Variants in DACH1 observed in about 807,000 individuals in gnomAD.
The protein encoded by DACH1 is dachshund homolog 1.
In DACH1, 12 loss-of-function variants were observed where a neutral mutation model predicts 54.2. The ratio of observed to expected loss-of-function variants is 0.22; its 90% CI spans 0.14 to 0.36. DACH1 has a LOEUF of 0.36. Among genes scored for constraint, DACH1 ranks in the 10% least tolerant of loss-of-function variants. The pLI is 1.00. For synonymous variants in DACH1, 386 were observed against 366.2 expected (o/e 1.05, Z -0.62); for missense variants, 805 against 929.8 (o/e 0.87, Z 1.75).
chr13:71,827,912 G>A (rs966181057), intron 1 of DACH1, among the ~76,000 whole-genome samples: 1 of 152,046 alleles, frequency 6.6e-6, no homozygotes, highest in African/African-American at 2.4e-5. Flanking sequence ...ACTGCATTGT[G>A]TAGTGGACAA....
chr13:71,523,932 T>G (rs550054325), intron 6 of DACH1, among the ~76,000 whole-genome samples: 5 of 152,144 alleles, frequency 3.3e-5, no homozygotes, highest in Non-Finnish European at 7.4e-5. Context: ...GTTACCACAG[T>G]GCATGTCAAA....
chr13:71,674,953 C>T, intron 2 of DACH1: 1 of 661,216 alleles, frequency 1.5e-6, no homozygotes, highest in Non-Finnish European at 2.7e-6. Context: ...CACATACAAA[C>T]GGTGTTCGCA....
chr13:71,681,782 G>A lies in DACH1; in HGVS notation c.964+13C>T. 5 of 1,593,440 alleles carry A rather than the reference G, an allele frequency of 3.1e-6. No individual in the cohort carries two copies. The highest frequency in any genetic ancestry group is 1.7e-5 in the Admixed American group (1 of 59,174). On this transcript the variant is annotated intron_variant, in intron 2 of 10. Transcript: ENST00000613252. ...TTTTAATATTTTTTGGCATAAGTGA[G>A]TAGCAGTCTTACCTGTTGGTGGAAT...
chr13:71,572,549 CA>C (rs1885277186), intron 4 of DACH1, among the ~76,000 whole-genome samples: 1 of 152,150 alleles, frequency 6.6e-6, no homozygotes, highest in East Asian at 1.9e-4. Context: ...CATAACACCA[CA>C]CACGCATACA....
chr13:71,456,092 G>A (rs2138127965), intron 10 of DACH1, among the ~76,000 whole-genome samples: 1 of 152,080 alleles, frequency 6.6e-6, no homozygotes, highest in East Asian at 1.9e-4. Context: ...AAGAATTTCA[G>A]GAAACATCTG....
chr13:71,828,757 T>A (rs566118345), intron 1 of DACH1, among the ~76,000 whole-genome samples: 1 of 152,056 alleles, frequency 6.6e-6, no homozygotes, highest in South Asian at 2.1e-4. Flanking sequence ...CTGGTTCCCA[T>A]CTTTGAGTAA....
intron 4 of DACH1, among the ~76,000 whole-genome samples, chr13:71,565,585 G>A (rs541328768): frequency 1.3e-5 from 2 of 152,192 alleles, no homozygotes; most frequent in South Asian, 4.2e-4. Flanking sequence ...GACAGTCAAT[G>A]ATGTTAGCAT....
At position 71,460,267 on chromosome 13, in the gene DACH1, G is replaced by A. The variant is rs143972190; in HGVS notation, c.2083+14874C>T. ...AGTATATAAACATTCTAGAAAATTCGCCACATCTTTTCCTGTGTTGATTTA... is the reference window on the plus strand; with the variant it reads ...AGTATATAAACATTCTAGAAAATTCACCACATCTTTTCCTGTGTTGATTTA... On this transcript the variant is annotated intron_variant, in intron 10 of 10. Transcript: ENST00000613252. Among the ~76,000 whole-genome samples the A allele has an allele frequency of 5.8e-3, 888 of 151,978 alleles. 8 individuals carry two copies. Among genetic ancestry groups the A allele is most frequent in the African/African-American group, 0.02 (837 of 41,458 alleles).
chr13:71,830,342 G>C lies in DACH1; in HGVS notation c.848+35580C>G, dbSNP rs1352390367. 2.0e-5 allele frequency among the ~76,000 whole-genome samples: 3 copies of C among 151,840 alleles called. No individual in the cohort carries two copies. In the East Asian group the frequency reaches 5.8e-4, roughly 29 times the overall value. ...CAGCTTGAAGTTGCAGTGACACCCA[G>C]AGCTTTTGTTCTTTCAGCCAACGGA... On this transcript the variant is annotated intron_variant, in intron 1 of 10. Coordinates refer to ENST00000613252, the MANE Select transcript of DACH1 (RefSeq NM_080759.6).
chr13:71,819,663 A>C (rs1888110625), intron 1 of DACH1, among the ~76,000 whole-genome samples: 1 of 152,194 alleles, frequency 6.6e-6, no homozygotes, highest in Non-Finnish European at 1.5e-5. Context: ...ACTGACAGAA[A>C]AAGAGCAAAT....
At chr13:71,486,985 C>T (rs1878586220) in intron 7 of DACH1, among the ~76,000 whole-genome samples, 1 of 151,932 alleles carries the variant, frequency 6.6e-6, no homozygotes, top group Non-Finnish European at 1.5e-5. Context: ...GCTGGGATTA[C>T]AGGCACCTGC....
chr13:71,451,562 C>T (rs748762314), intron 10 of DACH1, among the ~76,000 whole-genome samples: 1 of 152,086 alleles, frequency 6.6e-6, no homozygotes, highest in South Asian at 2.1e-4. Context: ...CTTAGCATAC[C>T]TGACCTGAGC....
At chr13:71,600,485 T>C (rs1298278413) in intron 3 of DACH1, among the ~76,000 whole-genome samples, 2 of 152,050 alleles carry the variant, frequency 1.3e-5, no homozygotes, top group South Asian at 2.1e-4. Flanking sequence ...AATGATTATA[T>C]GTTATATCCT....
chr13:71,796,998 T>C (rs971172198), intron 1 of DACH1, among the ~76,000 whole-genome samples: 2 of 152,064 alleles, frequency 1.3e-5, no homozygotes, highest in African/African-American at 4.8e-5. Context: ...TTGTTTTTTT[T>C]CACATATAGA....
At chr13:71,741,300 G>T (rs1479493356) in intron 1 of DACH1, among the ~76,000 whole-genome samples, 1 of 152,074 alleles carries the variant, frequency 6.6e-6, no homozygotes, top group African/African-American at 2.4e-5. Context: ...GAGAAGAAAA[G>T]AAAAATGCCC....
intron 4 of DACH1, among the ~76,000 whole-genome samples, chr13:71,568,852 TTTATAA>T: frequency 6.6e-6 from 1 of 151,922 alleles, no homozygotes; most frequent in Non-Finnish European, 1.5e-5. Context: ...ACAGGTACAG[TTTATAA>T]TTATTTAATA....
chr13:71,479,472 G>A (rs1877853178), intron 7 of DACH1, among the ~76,000 whole-genome samples, 156 bp from the exon 8 acceptor site: 1 of 152,068 alleles, frequency 6.6e-6, no homozygotes, highest in Non-Finnish European at 1.5e-5. Context: ...TATAACTAAA[G>A]CATAAAACTC....
At chr13:71,678,008 G>A (rs551403509) in intron 2 of DACH1, among the ~76,000 whole-genome samples, 3 of 152,194 alleles carry the variant, frequency 2.0e-5, no homozygotes, top group Admixed American at 6.5e-5. Flanking sequence ...ATCAGCCACC[G>A]CCCCCTAGCC....
rs59415221 is a variant in DACH1, at chr13:71,438,597, TAACA to T, written c.*2054_*2057del. The stretch of plus-strand genomic sequence containing the variant: ...GTATTTTAAAACTATTTAATCCACA[TAACA>T]AACAGGTGACTCTATGCCAGGAGCA... On this transcript the variant is annotated 3_prime_UTR_variant, in exon 11 of 11. Coordinates refer to ENST00000613252, the MANE Select transcript of DACH1 (RefSeq NM_080759.6). 0.93 allele frequency: 141,165 copies of T among 152,254 alleles called. 66,300 individuals are homozygous for T. Among genetic ancestry groups the T allele is most frequent in the Non-Finnish European group, 1 (67,743 of 67,844 alleles). 9.4% of individuals were successfully genotyped at this position (152,254 alleles called of 1,614,324 possible).
Sources: allele counts gnomAD v4.1 joint callset (sites outside exome capture counted in the v4.1 genomes callset), GRCh38; gene constraint gnomAD v4.1.1; transcripts MANE v1.5; gene names NCBI Gene and HGNC (gene_info 2026-07-23, HGNC 2026-07-21).